The following PLXNA4 variants were observed in gnomAD, a reference collection of about 807,000 sequenced individuals.
The protein encoded by PLXNA4 is plexin A4.
In PLXNA4, 44 loss-of-function variants were observed where a neutral mutation model predicts 191.8. The ratio of observed to expected loss-of-function variants is 0.23; its 90% CI spans 0.18 to 0.29. The LOEUF (loss-of-function observed/expected upper bound fraction) is 0.29. Among genes scored for constraint, PLXNA4 ranks in the 10% least tolerant of loss-of-function variants. PLXNA4 has a pLI of 1.00. For missense variants in PLXNA4, 1,800 were observed against 2,488.8 expected (o/e 0.72, Z 5.89); for synonymous variants, 1,082 against 1,009.5 (o/e 1.07, Z -1.36).
At position 132,311,158 on chromosome 7, in the gene PLXNA4, G is replaced by T. The variant is rs992724365; in HGVS notation, c.1372-12936C>A. On this transcript the variant is annotated intron_variant, in intron 3 of 31. Coordinates refer to ENST00000321063, the MANE Select transcript of PLXNA4 (RefSeq NM_020911.2). ...AGTTCCTGGGCTATCTAGGATAATT[G>T]TGTGTGTGTGTGTGTGTGTGTGTGT... 1.3e-4 allele frequency among the ~76,000 whole-genome samples: 10 copies of T among 76,550 alleles called. No individual in the cohort carries two copies. In the South Asian group the frequency reaches 2.8e-3, roughly 21 times the overall value. The allele number at this position is 76,550 out of a possible 152,430, so 50.2% of individuals were successfully genotyped here.
intron 10 of PLXNA4, among the ~76,000 whole-genome samples, chr7:132,207,346 C>T (rs1421041422): frequency 5.9e-5 from 9 of 152,236 alleles, no homozygotes; most frequent in Admixed American, 5.9e-4. Flanking sequence ...TGGCCCCGGC[C>T]CTCACGACCA....
At chr7:132,307,327 T>C (rs2116559173) in intron 3 of PLXNA4, among the ~76,000 whole-genome samples, 1 of 152,294 alleles carries the variant, frequency 6.6e-6, no homozygotes, top group Non-Finnish European at 1.5e-5. Context: ...CCTTCTGACA[T>C]ACTGTGTCCT....
In PLXNA4 at chr7:132,437,000, C is replaced by T. The variant is rs147212690; in HGVS notation, c.1371+52292G>A. 2.3e-4 allele frequency among the ~76,000 whole-genome samples: 35 copies of T among 152,352 alleles called. 1 individual carries two copies. Among genetic ancestry groups the T allele is most frequent in the African/African-American group, 8.4e-4 (35 of 41,582 alleles). On this transcript the variant is annotated intron_variant, in intron 3 of 31. Transcript: ENST00000321063. ...TGGGCTTTCCTGCTGCAATGCCCTA[C>T]AGATGCTCCATCGCCATATACACAT...
intron 2 of PLXNA4, among the ~76,000 whole-genome samples, chr7:132,641,091 T>A (rs1803734363): frequency 1.3e-5 from 2 of 152,232 alleles, no homozygotes; most frequent in Admixed American, 6.5e-5. Context: ...TTGACATTCA[T>A]CATACAAACG....
chr7:132,577,988 C>T (rs929227514), upstream of PLXNA4, among the ~76,000 whole-genome samples: 2 of 152,182 alleles, frequency 1.3e-5, no homozygotes, highest in African/African-American at 4.8e-5. Flanking sequence ...CATGTTTATA[C>T]TGAGCGGCTC....
chr7:132,561,537 CCTCCTCCTT>C (rs1487919198), intron 1 of PLXNA4, among the ~76,000 whole-genome samples: 3 of 124,878 alleles, frequency 2.4e-5, no homozygotes, highest in Non-Finnish European at 3.4e-5. Context: ...TCCTCCTTCT[CCTCCTCCTT>C]CTCCTCCTCC....
intron 14 of PLXNA4, among the ~76,000 whole-genome samples, chr7:132,190,911 T>C (rs1797066189): frequency 6.6e-6 from 1 of 152,176 alleles, no homozygotes; most frequent in African/African-American, 2.4e-5. Flanking sequence ...GTCAGATGTC[T>C]GGAGTCCCAG....
At chr7:132,487,576 G>A (rs752569005) in intron 3 of PLXNA4, among the ~76,000 whole-genome samples, 10 of 152,156 alleles carry the variant, frequency 6.6e-5, no homozygotes, top group East Asian at 1.9e-4. Flanking sequence ...GTGGACTGAC[G>A]CGTGTCAGAC....
intron 1 of PLXNA4, among the ~76,000 whole-genome samples, chr7:132,549,385 C>A (rs1039353683): frequency 6.6e-6 from 1 of 152,100 alleles, no homozygotes; most frequent in Non-Finnish European, 1.5e-5. Flanking sequence ...ACTACTCACA[C>A]CCTTGAGGTG....
chr7:132,437,273 T>A (rs1037750821), intron 3 of PLXNA4, among the ~76,000 whole-genome samples: 4 of 152,176 alleles, frequency 2.6e-5, no homozygotes, highest in Non-Finnish European at 5.9e-5. Context: ...CATAGGAAGA[T>A]CCTGAAAAGT....
chr7:132,288,980 G>T (rs62465028), intron 4 of PLXNA4, among the ~76,000 whole-genome samples: 5 of 152,176 alleles, frequency 3.3e-5, no homozygotes, highest in Admixed American at 6.5e-5. Flanking sequence ...CACACAGGGG[G>T]TCCCTGGTGG....
chr7:132,273,404 T>G (rs1800152313), intron 4 of PLXNA4, among the ~76,000 whole-genome samples: 1 of 152,074 alleles, frequency 6.6e-6, no homozygotes, highest in Admixed American at 6.6e-5. Flanking sequence ...CAGAATCATA[T>G]TATAGGCTAT....
At chr7:132,158,890 A>G (rs1466008833) in intron 25 of PLXNA4, among the ~76,000 whole-genome samples, 1 of 152,224 alleles carries the variant, frequency 6.6e-6, no homozygotes, top group African/African-American at 2.4e-5. Flanking sequence ...GCCCTTGTTT[A>G]TAGAGGCTGG....
Position 132,622,546 on chromosome 7 carries a change from G to GA in PLXNA4, c.-87+23381dup, listed in dbSNP as rs59775711. Among the ~76,000 whole-genome samples, 959 of 142,146 alleles carry GA rather than the reference G, an allele frequency of 6.7e-3. 2 individuals carry two copies. The highest frequency in any genetic ancestry group is 0.015 in the African/African-American group (604 of 39,034). The allele number at this position is 142,146 out of a possible 152,430, so 93.3% of individuals were successfully genotyped here. ...CTAAAGAATTAGGAGCTATCTGAAG[G>GA]AAAAAAAAAAAAATCCCTGGCCTAT... On this transcript the variant is annotated intron_variant, in intron 2 of 4. Transcript: ENST00000378539.
chr7:132,175,171 T>G (rs1177421173), intron 20 of PLXNA4, among the ~76,000 whole-genome samples: 6 of 152,032 alleles, frequency 3.9e-5, no homozygotes, highest in Non-Finnish European at 7.4e-5. Context: ...TGTGATGATG[T>G]GGGGTGGTGG....
At chr7:132,471,020 G>T (rs1563118160) in intron 3 of PLXNA4, among the ~76,000 whole-genome samples, 1 of 152,200 alleles carries the variant, frequency 6.6e-6, no homozygotes, top group East Asian at 1.9e-4. Context: ...GCCTTGGGGG[G>T]TGTGATTAAA....
rs749672143 is a variant in PLXNA4, at chr7:132,508,543, A to T, written c.151T>A (p.Phe51Ile). The T allele has an allele frequency of 6.2e-7, 1 of 1,614,148 alleles. No homozygotes were observed. The highest frequency in any genetic ancestry group is 8.5e-7 in the Non-Finnish European group (1 of 1,180,012). Residue 51 changes from phenylalanine (F) to isoleucine (I), a missense_variant, in exon 2 of 32, where the codon TTC becomes ATC. By Grantham distance (21) the Phe-to-Ile change is conservative. Transcript: ENST00000321063. This position sits in a 1 kb window ranked among gnomAD's most constrained non-coding sequence, Gnocchi z 4.4. Reference sequence around the variant, plus strand: ...CTCTCATCCACCACCAGGTGATTGAAACCCTCGGCGGGCTCTCCTCGGAAT... The same window carrying T: ...CTCTCATCCACCACCAGGTGATTGATACCCTCGGCGGGCTCTCCTCGGAAT... ...VTFRGEPAEG[F>I]NHLVVDERTG...
intron 25 of PLXNA4, among the ~76,000 whole-genome samples, chr7:132,154,000 C>T (rs1427327241): frequency 3.9e-5 from 6 of 152,190 alleles, no homozygotes; most frequent in Non-Finnish European, 8.8e-5. Flanking sequence ...ACTAACCAGG[C>T]TAGGTAGAGC....
intron 4 of PLXNA4, among the ~76,000 whole-genome samples, chr7:132,245,622 C>T (rs1408185195): frequency 6.6e-6 from 1 of 152,220 alleles, no homozygotes; most frequent in African/African-American, 2.4e-5. Flanking sequence ...CTCAAAGAGA[C>T]ATTTGCACAC....
Sources: allele counts gnomAD v4.1 joint callset (sites outside exome capture counted in the v4.1 genomes callset), GRCh38; gene constraint gnomAD v4.1.1; non-coding constraint Gnocchi (gnomAD v3.1); transcripts MANE v1.5; gene names NCBI Gene and HGNC (gene_info 2026-07-23, HGNC 2026-07-21).